Variants in SYT9 observed in about 807,000 individuals in gnomAD.
The protein encoded by SYT9 is synaptotagmin-9.
Under a neutral mutation model 48.4 loss-of-function variants are expected in SYT9, and 22 were observed. The observed-to-expected ratio is 0.45, with a 90% CI of 0.32 to 0.65. SYT9 has a LOEUF of 0.65. Ranked by LOEUF, SYT9 falls within the 30% of genes least tolerant of loss-of-function variation. The probability of loss-of-function intolerance (pLI) is 0.03; values close to 1 mark genes in which losing one functional copy is unlikely to be tolerated. For missense variants in SYT9, 577 were observed against 622.0 expected (o/e 0.93, Z 0.77); for synonymous variants, 265 against 245.0 (o/e 1.08, Z -0.76).
At chr11:7,389,492 G>A (rs1850722131) in intron 3 of SYT9, among the ~76,000 whole-genome samples, 2 of 152,192 alleles carry the variant, frequency 1.3e-5, no homozygotes, top group South Asian at 2.1e-4. Flanking sequence ...CCCATAAAAT[G>A]AGAGTAGATG....
At chr11:7,247,120 A>T (rs1467480287), upstream of SYT9, among the ~76,000 whole-genome samples, 1 of 152,128 alleles carries the variant, frequency 6.6e-6, no homozygotes, top group Non-Finnish European at 1.5e-5. Context: ...TTATTTCTAT[A>T]GGTTATTGGG....
upstream of SYT9, among the ~76,000 whole-genome samples, chr11:7,250,451 A>ACCCCCCCCCC (rs59724555): frequency 1.1e-5 from 1 of 91,778 alleles, no homozygotes; most frequent in African/African-American, 3.8e-5. Context: ...CCCCCCCGCC[A>ACCCCCCCCCC]CCCCCCCCCA....
intron 6 of SYT9, among the ~76,000 whole-genome samples, chr11:7,426,858 G>A (rs1027542184): frequency 6.6e-6 from 1 of 152,078 alleles, no homozygotes; most frequent in African/African-American, 2.4e-5. Context: ...TTTGGAATTT[G>A]GATCCCCTTT....
intron 6 of SYT9, chr11:7,435,026 G>A (rs1020215579): frequency 6.6e-6 from 1 of 152,108 alleles, no homozygotes; most frequent in Non-Finnish European, 1.5e-5. Context: ...AGGGATCCTT[G>A]CAAAGAAAGA....
chr11:7,465,427 G>T (rs1006717395), intron 6 of SYT9, among the ~76,000 whole-genome samples: 31 of 152,170 alleles, frequency 2.0e-4, no homozygotes, highest in Admixed American at 7.9e-4. Context: ...TATAGTTTAC[G>T]TGTAAATTTT....
At chr11:7,322,677 T>C (rs1264758328) in intron 3 of SYT9, among the ~76,000 whole-genome samples, 1 of 152,114 alleles carries the variant, frequency 6.6e-6, no homozygotes, top group Non-Finnish European at 1.5e-5. Context: ...GTTTTTTTAA[T>C]AAAATATATA....
rs770660029 is a variant in SYT9 at position 7,456,390 on chromosome 11, G to A, written c.1468-10402G>A. 8.2e-4 allele frequency among the ~76,000 whole-genome samples: 125 copies of A among 152,234 alleles called. 7 individuals carry two copies. The highest frequency in any genetic ancestry group is 4.8e-4 in the Non-Finnish European group (33 of 68,042). On this transcript the variant is annotated intron_variant, in intron 6 of 6. Coordinates refer to ENST00000318881, the MANE Select transcript of SYT9 (RefSeq NM_175733.4). ...GTCTGCACACAGCTCCTCACAGTGG[G>A]TGGAGGCACCCAGAGGAGAGAGGCA...
At chr11:7,259,118 A>G (rs1053657974) in intron 1 of SYT9, among the ~76,000 whole-genome samples, 1 of 152,134 alleles carries the variant, frequency 6.6e-6, no homozygotes, top group Non-Finnish European at 1.5e-5. Context: ...AGAACTGGGC[A>G]TCCTATATTT....
intron 3 of SYT9, among the ~76,000 whole-genome samples, chr11:7,346,366 C>G (rs1284954919): frequency 1.3e-5 from 2 of 152,094 alleles, no homozygotes; most frequent in Non-Finnish European, 2.9e-5. Flanking sequence ...TGGCTGAGAC[C>G]CCATCGGATG....
intron 3 of SYT9, among the ~76,000 whole-genome samples, chr11:7,395,078 C>A (rs775931115): frequency 6.6e-6 from 1 of 151,590 alleles, no homozygotes; most frequent in Non-Finnish European, 1.5e-5. Flanking sequence ...TCAGTAGGTT[C>A]TTTAGTGGTG....
At chr11:7,415,310 T>G (rs370559980) in intron 3 of SYT9, among the ~76,000 whole-genome samples, 101 of 152,214 alleles carry the variant, frequency 6.6e-4, no homozygotes, top group African/African-American at 2.4e-3. Context: ...GCTCATGCAG[T>G]GTCCTTGTTT....
intron 1 of SYT9, among the ~76,000 whole-genome samples, chr11:7,278,205 C>T (rs1321613980): frequency 6.6e-6 from 1 of 152,070 alleles, no homozygotes; most frequent in Non-Finnish European, 1.5e-5. Flanking sequence ...TCAGGCCTCT[C>T]TTCTTCTTAT....
chr11:7,275,919 T>G (rs570075899), intron 1 of SYT9, among the ~76,000 whole-genome samples: 193 of 152,340 alleles, frequency 1.3e-3, no homozygotes, highest in Middle Eastern at 3.4e-3. Context: ...TCTCTTCAGA[T>G]CATATGTGTC....
At chr11:7,442,222 G>A (rs1383079638) in intron 6 of SYT9, among the ~76,000 whole-genome samples, 1 of 152,098 alleles carries the variant, frequency 6.6e-6, no homozygotes, top group Non-Finnish European at 1.5e-5. Flanking sequence ...GAGGGGAGGA[G>A]CTTTTCCTCT....
In SYT9 at chr11:7,313,720, A is replaced by G. The variant is rs1427151878; in HGVS notation, c.823A>G (p.Lys275Glu). The G allele has an allele frequency of 2.5e-6, 4 of 1,614,224 alleles. No individual in the cohort carries two copies. The highest frequency in any genetic ancestry group is 1.1e-5 in the South Asian group (1 of 91,086). Residue 275 changes from lysine (K) to glutamate (E), a missense_variant, in exon 3 of 7, where the codon AAA (lysine) becomes GAA (glutamate). Coordinates refer to ENST00000318881, the MANE Select transcript of SYT9 (RefSeq NM_175733.4). ...TGATCGGAAAACAAAACACCAGACT[A>G]AAGTTCACAGAAAGACCCTGAACCC... ...LPDRKTKHQT[K>E]VHRKTLNPVF... is the part of the protein sequence containing the mutation.
chr11:7,414,802 G>A (rs532916576), intron 3 of SYT9, among the ~76,000 whole-genome samples: 3 of 152,306 alleles, frequency 2.0e-5, no homozygotes, highest in Non-Finnish European at 4.4e-5. Flanking sequence ...TTCCAGAGCC[G>A]AATCTGTGCT....
intron 3 of SYT9, among the ~76,000 whole-genome samples, chr11:7,415,060 T>A (rs1173024393): frequency 1.3e-5 from 2 of 152,208 alleles, no homozygotes; most frequent in Non-Finnish European, 2.9e-5. Flanking sequence ...TTCTGACCTA[T>A]CTGAATGGCT....
intron 3 of SYT9, among the ~76,000 whole-genome samples, chr11:7,380,665 A>G (rs1297414991): frequency 1.3e-5 from 2 of 152,228 alleles, no homozygotes; most frequent in Admixed American, 6.5e-5. Flanking sequence ...TAAGATATTC[A>G]GAAAAGAATT....
rs114228206 is a variant in SYT9 at position 7,420,486 on chromosome 11, A to C, written c.1338-20A>C. Reference sequence around the variant, plus strand: ...CATACCAAAATTTTAAGAAAAAACTATTGTGGGCCATTTTCACAGTGTAGG... The same window carrying C: ...CATACCAAAATTTTAAGAAAAAACTCTTGTGGGCCATTTTCACAGTGTAGG... On this transcript the variant is annotated intron_variant, in intron 5 of 6. Coordinates refer to ENST00000318881, the MANE Select transcript of SYT9 (RefSeq NM_175733.4). 1.2e-3 allele frequency: 1,968 copies of C among 1,613,338 alleles called. 23 individuals are homozygous for C. In the African/African-American group the frequency reaches 0.023, roughly 19 times the overall value.
Sources: gnomAD v4.1 joint callset for allele counts (sites outside exome capture counted in the v4.1 genomes callset) on GRCh38, gnomAD v4.1.1 for gene constraint, MANE v1.5 for transcripts, NCBI Gene and HGNC (gene_info 2026-07-23, HGNC 2026-07-21) for gene names.